The following PDSS1 variants were observed in gnomAD, a reference collection of about 807,000 sequenced individuals.
PDSS1 encodes all trans-polyprenyl-diphosphate synthase PDSS1.
A neutral mutation model predicts 57.5 loss-of-function variants in PDSS1; 43 were observed. That is an observed-to-expected ratio of 0.75 (90% CI 0.59 to 0.96). The LOEUF is 0.96. Ranked by LOEUF, PDSS1 falls within the 50% of genes least tolerant of loss-of-function variation. The pLI is 0.00. For missense variants in PDSS1, 438 were observed against 527.8 expected (o/e 0.83, Z 1.67); for synonymous variants, 175 against 191.3 (o/e 0.91, Z 0.70).
chr10:26,721,749 G>A (rs1336968008), intron 6 of PDSS1, among the ~76,000 whole-genome samples: 1 of 152,134 alleles, frequency 6.6e-6, no homozygotes, highest in African/African-American at 2.4e-5. Context: ...GGGGGAAGAG[G>A]ATCAAGAGAA....
chr10:26,713,551 G>T (rs1419930833), intron 5 of PDSS1, among the ~76,000 whole-genome samples: 2 of 151,996 alleles, frequency 1.3e-5, no homozygotes, highest in Non-Finnish European at 2.9e-5. Context: ...GCAAAATTTT[G>T]TGTATATTTG....
chr10:26,739,161 A>G (rs1217273080), intron 10 of PDSS1, among the ~76,000 whole-genome samples: 1 of 152,148 alleles, frequency 6.6e-6, no homozygotes, highest in Non-Finnish European at 1.5e-5. Flanking sequence ...GCCTTATGCT[A>G]TCGTGGTGAC....
chr10:26,708,610 C>T lies in PDSS1; in HGVS notation c.337-1028C>T, dbSNP rs576086499. On this transcript the variant is annotated intron_variant, in intron 4 of 11. Transcript: ENST00000376215. ...GCCCATGCCTTATATGGGCTCTATGCGCTTACGTGGGCCTCTATGAACCCT... is the reference window on the plus strand; with the variant it reads ...GCCCATGCCTTATATGGGCTCTATGTGCTTACGTGGGCCTCTATGAACCCT... Among the ~76,000 whole-genome samples, 263 of 152,260 alleles carry T rather than the reference C, an allele frequency of 1.7e-3. 3 individuals are homozygous for T. Among genetic ancestry groups the T allele is most frequent in the African/African-American group, 5.7e-3 (238 of 41,546 alleles).
intron 4 of PDSS1, among the ~76,000 whole-genome samples, chr10:26,706,913 T>G (rs775303274): frequency 9.9e-5 from 15 of 152,120 alleles, no homozygotes; most frequent in Non-Finnish European, 1.9e-4. Context: ...GAGGCAAGTT[T>G]TAGAGCAGGA....
intron 5 of PDSS1, among the ~76,000 whole-genome samples, chr10:26,716,981 T>A (rs1243684596): frequency 6.6e-6 from 1 of 152,238 alleles, no homozygotes; most frequent in East Asian, 1.9e-4. Flanking sequence ...GAGGTTTTTC[T>A]GTAATCTGTG....
At chr10:26,742,849 T>C (rs572733319) in intron 11 of PDSS1, among the ~76,000 whole-genome samples, 23 of 152,326 alleles carry the variant, frequency 1.5e-4, no homozygotes, top group Non-Finnish European at 3.2e-4. Context: ...GTGATTGTGG[T>C]GAACTGTTAG....
At chr10:26,741,910 C>G (rs532785799) in intron 10 of PDSS1, among the ~76,000 whole-genome samples, 71 of 152,268 alleles carry the variant, frequency 4.7e-4, no homozygotes, top group African/African-American at 1.6e-3. Context: ...GAGTTTCACT[C>G]GTTGTCCAAG....
intron 4 of PDSS1, 136 bp from the exon 5 acceptor site, chr10:26,709,502 A>G: frequency 1.2e-6 from 1 of 855,272 alleles, no homozygotes; most frequent in Non-Finnish European, 1.9e-6. Context: ...CGGAGGTTAC[A>G]ATGAGCTGAG....
At chr10:26,713,892 G>T (rs1835474342) in intron 5 of PDSS1, among the ~76,000 whole-genome samples, 2 of 151,996 alleles carry the variant, frequency 1.3e-5, no homozygotes, top group African/African-American at 2.4e-5. Flanking sequence ...CTCACCTTAG[G>T]CTGTGCCCCT....
At chr10:26,704,040 C>A (rs1452752654) in intron 2 of PDSS1, among the ~76,000 whole-genome samples, 1 of 124,658 alleles carries the variant, frequency 8.0e-6, no homozygotes, top group Non-Finnish European at 1.6e-5. Flanking sequence ...CGAGATAGCG[C>A]CACTGCACTC....
In PDSS1 at chr10:26,705,370, A is replaced by C; in HGVS notation, c.312A>C (p.Lys104Asn). ...TCAAACTCGGTTGGAGAGACTTGAA[A>C]GGTCTGTATGAGGACATTAGAAAGG... ...DPFKLGWRDL[K>N]GLYEDIRKEL... The change falls in exon 4 of 12, where the codon AAA becomes AAC. Residue 104 changes from lysine (K) to asparagine (N), a missense_variant. By Grantham distance (94) the Lys-to-Asn change is moderately conservative. Transcript: ENST00000376215. 1 of 1,600,252 alleles carries C rather than the reference A, an allele frequency of 6.2e-7. No homozygotes were observed. The highest frequency in any genetic ancestry group is 8.6e-7 in the Non-Finnish European group (1 of 1,168,048).
At chr10:26,733,412 C>A (rs1006374072) in intron 8 of PDSS1, among the ~76,000 whole-genome samples, 2 of 152,168 alleles carry the variant, frequency 1.3e-5, no homozygotes, top group African/African-American at 4.8e-5. Flanking sequence ...GGGTCGGTGC[C>A]TGCTCATGGG....
intron 4 of PDSS1, among the ~76,000 whole-genome samples, chr10:26,709,088 C>T (rs1311954716): frequency 2.6e-5 from 4 of 152,128 alleles, no homozygotes; most frequent in African/African-American, 7.2e-5. Context: ...ATTCTGTCAG[C>T]GGGGCAGGTG....
chr10:26,741,816 G>T (rs1353203658), intron 10 of PDSS1, among the ~76,000 whole-genome samples: 2 of 152,158 alleles, frequency 1.3e-5, no homozygotes, highest in Non-Finnish European at 2.9e-5. Flanking sequence ...GAAACTGGGG[G>T]AGAGGCCCCA....
chr10:26,725,635 C>A (rs1239760000), intron 8 of PDSS1, among the ~76,000 whole-genome samples: 1 of 152,024 alleles, frequency 6.6e-6, no homozygotes, highest in Admixed American at 6.5e-5. Flanking sequence ...ATTATCATGC[C>A]CTTGATGGCC....
intron 1 of PDSS1, 41 bp from the exon 2 acceptor site, chr10:26,702,121 T>C (rs1450775348): frequency 6.8e-6 from 3 of 438,058 alleles, no homozygotes; most frequent in Non-Finnish European, 1.4e-5. Context: ...TGTACTCCCA[T>C]TGTATCTTGG....
chr10:26,701,492 G>C (rs1254054982), intron 1 of PDSS1, among the ~76,000 whole-genome samples: 1 of 152,204 alleles, frequency 6.6e-6, no homozygotes, highest in Non-Finnish European at 1.5e-5. Context: ...CCCAGCCGTA[G>C]CTAAAAGGGG....
At chr10:26,718,055 T>G (rs1451381189) in intron 5 of PDSS1, 2 of 90,500 alleles carry the variant, frequency 2.2e-5, no homozygotes, top group Non-Finnish European at 5.2e-5. Context: ...TTGGTTTTTT[T>G]GTGTTTTTTT....
chr10:26,729,582 T>C (rs1836092716), intron 8 of PDSS1, among the ~76,000 whole-genome samples: 1 of 152,176 alleles, frequency 6.6e-6, no homozygotes. Context: ...TCTGAGAATA[T>C]ACCATAGGAG....
Sources: allele counts gnomAD v4.1 joint callset (sites outside exome capture counted in the v4.1 genomes callset), GRCh38; gene constraint gnomAD v4.1.1; transcripts MANE v1.5; gene names NCBI Gene and HGNC (gene_info 2026-07-23, HGNC 2026-07-21).